The following ZNF565 variants were observed in gnomAD, a reference collection of about 807,000 sequenced individuals.
ZNF565 encodes the protein zinc finger protein 565.
In ZNF565, 27 loss-of-function variants were observed where a neutral mutation model predicts 39.4. The ratio of observed to expected loss-of-function variants is 0.69; its 90% CI spans 0.51 to 0.95. The LOEUF (loss-of-function observed/expected upper bound fraction) is 0.95. Among genes scored for constraint, ZNF565 ranks in the 40% least tolerant of loss-of-function variants. The pLI is 0.00. For missense variants in ZNF565, 524 were observed against 621.1 expected (o/e 0.84, Z 1.66); for synonymous variants, 185 against 216.6 (o/e 0.85, Z 1.28).
At chr19:36,196,678 C>A (rs1399442802) in intron 2 of ZNF565, among the ~76,000 whole-genome samples, 1 of 152,088 alleles carries the variant, frequency 6.6e-6, no homozygotes, top group African/African-American at 2.4e-5. Flanking sequence ...TAATGTCTTT[C>A]AAAAATGAGT....
At chr19:36,193,588 C>T (rs989154238) in intron 4 of ZNF565, among the ~76,000 whole-genome samples, 25 of 151,544 alleles carry the variant, frequency 1.6e-4, no homozygotes, top group African/African-American at 6.1e-4. Flanking sequence ...CTACAGGCGC[C>T]TACCACCACA....
intron 2 of ZNF565, among the ~76,000 whole-genome samples, chr19:36,196,619 G>A (rs1216042187): frequency 2.6e-5 from 4 of 152,172 alleles, no homozygotes; most frequent in African/African-American, 9.7e-5. Flanking sequence ...ATAAATAAGC[G>A]AAATAGTGAA....
intron 2 of ZNF565, among the ~76,000 whole-genome samples, chr19:36,198,375 C>T (rs1975839610): frequency 6.6e-6 from 1 of 152,050 alleles, no homozygotes; most frequent in Non-Finnish European, 1.5e-5. Flanking sequence ...TGAAGTAAGC[C>T]AGGCACAGAG....
At chr19:36,192,196 C>T (rs1157039376) in intron 4 of ZNF565, among the ~76,000 whole-genome samples, 1 of 151,608 alleles carries the variant, frequency 6.6e-6, no homozygotes, top group African/African-American at 2.4e-5. Context: ...ACCATATTGG[C>T]CAGGCTGGTC....
chr19:36,244,435 C>CTGAG (rs1216103155), intron 1 of ZNF565, among the ~76,000 whole-genome samples: 1 of 152,136 alleles, frequency 6.6e-6, no homozygotes, highest in Non-Finnish European at 1.5e-5. Context: ...GTCATCCCAG[C>CTGAG]TACTCAGGAG....
chr19:36,231,208 C>G (rs894536278), intron 1 of ZNF565, among the ~76,000 whole-genome samples: 1 of 151,988 alleles, frequency 6.6e-6, no homozygotes, highest in Non-Finnish European at 1.5e-5. Context: ...ACTAAAAATA[C>G]AAAAGTTCTT....
intron 4 of ZNF565, among the ~76,000 whole-genome samples, chr19:36,191,302 C>T (rs1975530785): frequency 1.3e-5 from 2 of 149,864 alleles, no homozygotes; most frequent in African/African-American, 2.5e-5. Flanking sequence ...CGATTTCCTA[C>T]CATTTTTCTT....
At chr19:36,190,433 G>A (rs978578808) in intron 4 of ZNF565, among the ~76,000 whole-genome samples, 1 of 151,730 alleles carries the variant, frequency 6.6e-6, no homozygotes, top group Admixed American at 6.6e-5. Flanking sequence ...AAAATTAGCC[G>A]GGCGTGGTGG....
chr19:36,187,943 T>C (rs1975370170), intron 4 of ZNF565, among the ~76,000 whole-genome samples: 1 of 150,644 alleles, frequency 6.6e-6, no homozygotes, highest in African/African-American at 2.4e-5. Context: ...TGGCCCAGCC[T>C]CCAAACATAT....
chr19:36,202,179 T>C, intron 1 of ZNF565, 129 bp from the exon 2 acceptor site: 2 of 630,244 alleles, frequency 3.2e-6, no homozygotes, highest in Admixed American at 2.6e-5. Context: ...CACCTCTCCA[T>C]GTCCTACCAC....
intron 1 of ZNF565, among the ~76,000 whole-genome samples, chr19:36,211,374 C>G (rs1006853764): frequency 6.6e-6 from 1 of 151,038 alleles, no homozygotes; most frequent in Admixed American, 6.6e-5. Context: ...ATCCAGGAGG[C>G]AGAGGCTGCA....
At chr19:36,237,228 C>G in intron 1 of ZNF565, 8 of 1,614,102 alleles carry the variant, frequency 5.0e-6, no homozygotes, top group Non-Finnish European at 6.8e-6. Context: ...AGAATACACA[C>G]AGGTAAGAAG....
chr19:36,205,338 G>T (rs1028745699), intron 1 of ZNF565, among the ~76,000 whole-genome samples: 2 of 152,136 alleles, frequency 1.3e-5, no homozygotes, highest in African/African-American at 4.8e-5. Flanking sequence ...GACCAGCCTG[G>T]CCAACATGGT....
chr19:36,223,225 C>G (rs554064229), intron 1 of ZNF565, among the ~76,000 whole-genome samples: 1 of 151,610 alleles, frequency 6.6e-6, no homozygotes, highest in East Asian at 2.0e-4. Flanking sequence ...GAGACTAGCC[C>G]GGTCAACATG....
At chr19:36,211,405 T>G (rs1021575606) in intron 1 of ZNF565, among the ~76,000 whole-genome samples, 3 of 150,440 alleles carry the variant, frequency 2.0e-5, no homozygotes, top group African/African-American at 7.4e-5. Context: ...ATCATGTCAC[T>G]GCATTCCCAG....
intron 1 of ZNF565, among the ~76,000 whole-genome samples, chr19:36,221,350 G>A (rs1406928647): frequency 2.1e-5 from 3 of 143,134 alleles, no homozygotes; most frequent in African/African-American, 5.2e-5. Context: ...GTGCAGTGGC[G>A]CAATCTCGGC....
chr19:36,225,709 A>G (rs1398695418), intron 1 of ZNF565, among the ~76,000 whole-genome samples: 1 of 134,986 alleles, frequency 7.4e-6, no homozygotes. Context: ...AAGTGCTGGG[A>G]TTACAGGCAT....
At chr19:36,200,498 T>G (rs1975917447) in intron 2 of ZNF565, among the ~76,000 whole-genome samples, 2 of 151,870 alleles carry the variant, frequency 1.3e-5, no homozygotes, top group Admixed American at 1.3e-4. Flanking sequence ...TTGGATTTTT[T>G]TTTTTTTTGA....
chr19:36,223,463 C>T (rs1225255049), intron 1 of ZNF565, among the ~76,000 whole-genome samples: 3 of 151,730 alleles, frequency 2.0e-5, no homozygotes, highest in African/African-American at 4.8e-5. Context: ...CCCGGGTTCA[C>T]GCCATTCTCC....
Sources: allele counts gnomAD v4.1 joint callset (sites outside exome capture counted in the v4.1 genomes callset), GRCh38; gene constraint gnomAD v4.1.1; transcripts MANE v1.5; gene names NCBI Gene and HGNC (gene_info 2026-07-23, HGNC 2026-07-21).